ACACB: variants seen among roughly 807,000 people sequenced by gnomAD.
ACACB encodes acetyl-CoA carboxylase 2.
Under a neutral mutation model 278.8 loss-of-function variants are expected in ACACB, and 209 were observed. The ratio of observed to expected loss-of-function variants is 0.75; its 90% CI spans 0.67 to 0.84. ACACB has a LOEUF of 0.84. ACACB is among the 40% of genes least tolerant of loss of function. The pLI is 0.00. For missense variants in ACACB, 2,850 were observed against 3,269.0 expected, an observed-to-expected ratio of 0.87 and a Z score of 3.13; for synonymous variants, 1,174 against 1,285.6, an observed-to-expected ratio of 0.91 and a Z score of 1.86.
At chr12:109,147,000 A>G (rs2043259019) in intron 2 of ACACB, among the ~76,000 whole-genome samples, 2 of 151,886 alleles carry the variant, frequency 1.3e-5, no homozygotes, top group Non-Finnish European at 2.9e-5. Flanking sequence ...TTTTTCAACA[A>G]GGGGCTCTGT....
chr12:109,192,310 C>A (rs1354011341), intron 15 of ACACB, among the ~76,000 whole-genome samples: 1 of 152,162 alleles, frequency 6.6e-6, no homozygotes, highest in African/African-American at 2.4e-5. Flanking sequence ...CATTCCCAGA[C>A]CCTCACCAGA....
In ACACB at chr12:109,216,636, C is replaced by T. The variant is rs142640895; in HGVS notation, c.3369C>T (p.Arg1123=). 2.8e-5 allele frequency: 45 copies of T among 1,614,044 alleles called. No individual in the cohort carries two copies. Among genetic ancestry groups the T allele is most frequent in the Admixed American group, 8.3e-5 (5 of 59,986 alleles). Reference sequence around the variant, plus strand: ...TCCCCAGATACCGCAGCGGGATCCGCGGCTATATGAAAACAGTGGTGTTGG... The same window carrying T: ...TCCCCAGATACCGCAGCGGGATCCGTGGCTATATGAAAACAGTGGTGTTGG... The part of the protein sequence containing the change: ...QLVQRYRSGI[R]GYMKTVVLDL... Residue 1123 remains arginine, a synonymous_variant, in exon 23 of 53, where the codon CGC becomes CGT. Transcript: ENST00000338432.
intron 29 of ACACB, among the ~76,000 whole-genome samples, chr12:109,233,220 A>T (rs1457685225): frequency 6.6e-6 from 1 of 152,256 alleles, no homozygotes; most frequent in Non-Finnish European, 1.5e-5. Flanking sequence ...ACATATGTGA[A>T]ATAACATATT....
At chr12:109,207,494 T>C (rs1371736606) in intron 20 of ACACB, among the ~76,000 whole-genome samples, 1 of 152,188 alleles carries the variant, frequency 6.6e-6, no homozygotes, top group Non-Finnish European at 1.5e-5. Context: ...TTGCTGGGTC[T>C]CATCTGCTCA....
intron 1 of ACACB, among the ~76,000 whole-genome samples, chr12:109,133,351 C>T (rs371212668): frequency 1.4e-4 from 22 of 152,116 alleles, no homozygotes; most frequent in African/African-American, 4.1e-4. Flanking sequence ...CTGCCTCAGC[C>T]TCCTGAGTAC....
At chr12:109,212,731 G>T in intron 21 of ACACB, 105 bp from the exon 22 acceptor site, 1 of 884,120 alleles carries the variant, frequency 1.1e-6, no homozygotes, top group South Asian at 1.5e-5. Context: ...AACAGGCCAC[G>T]GACCAGTGCT....
rs888561348 is a variant in ACACB, at chr12:109,206,827, T to C, written c.3031T>C (p.Cys1011Arg). The C allele has an allele frequency of 6.2e-7, 1 of 1,614,204 alleles. No homozygotes were observed. The highest frequency in any genetic ancestry group is 8.5e-7 in the Non-Finnish European group (1 of 1,180,040). ...CCTCACCAACGTCATGAGTGGCTTT[T>C]GTCTGCCAGAGCCCGTTTTTAGCAT... ...ENLTNVMSGFCLPEPVFSIKL... is the reference protein window; with the variant it reads ...ENLTNVMSGFRLPEPVFSIKL... Residue 1011 changes from cysteine to arginine, a missense_variant, in exon 20 of 53, where the codon TGT becomes CGT. Coordinates refer to ENST00000338432, the MANE Select transcript of ACACB (RefSeq NM_001093.4).
chr12:109,204,563 C>T (rs1466916376), intron 19 of ACACB, among the ~76,000 whole-genome samples: 1 of 151,970 alleles, frequency 6.6e-6, no homozygotes, highest in Non-Finnish European at 1.5e-5. Flanking sequence ...GTGTGAGCCA[C>T]CATGTCCAGC....
At chr12:109,168,316 G>T (rs2043990048) in intron 4 of ACACB, among the ~76,000 whole-genome samples, 1 of 152,176 alleles carries the variant, frequency 6.6e-6, no homozygotes, top group African/African-American at 2.4e-5. Flanking sequence ...TCTCCTGCAG[G>T]TGTATGTAAT....
At chr12:109,216,039 T>A (rs1263087681) in intron 22 of ACACB, among the ~76,000 whole-genome samples, 1 of 152,044 alleles carries the variant, frequency 6.6e-6, no homozygotes, top group Non-Finnish European at 1.5e-5. Context: ...GCTCAAATGA[T>A]ACTCACGCCT....
intron 24 of ACACB, among the ~76,000 whole-genome samples, chr12:109,222,253 C>T (rs1242517596): frequency 6.7e-6 from 1 of 150,188 alleles, no homozygotes; most frequent in Non-Finnish European, 1.5e-5. Context: ...TTGTTCTTAC[C>T]AGGCATTTAG....
chr12:109,264,403 C>T lies in ACACB; in HGVS notation c.6942+17C>T. ...GTCATATCTGTGAGAGCCACAGCTG[C>T]CGTGTAGGGTGCAAAGAGCCCACCC... is the stretch of plus-strand genomic sequence containing the variant. On this transcript the variant is annotated intron_variant, in intron 50 of 52. Transcript: ENST00000338432. 3 of 1,613,868 alleles carry T rather than the reference C, an allele frequency of 1.9e-6. No homozygotes were observed. Among genetic ancestry groups the T allele is most frequent in the Non-Finnish European group, 2.5e-6 (3 of 1,179,896 alleles).
chr12:109,259,224 C>A, intron 47 of ACACB, 116 bp downstream of exon 47: 1 of 1,276,674 alleles, frequency 7.8e-7, no homozygotes, highest in Non-Finnish European at 1.1e-6. Flanking sequence ...TTAGCTGTGT[C>A]TCCCAACAAC....
At position 109,222,615 on chromosome 12, in the gene ACACB, C is replaced by T. The variant is rs759403747; in HGVS notation, c.3673C>T (p.Arg1225Trp). The change falls in exon 25 of 53, where the codon CGG (arginine) becomes TGG (tryptophan). Residue 1225 changes from arginine to tryptophan, a missense_variant. Arg to Trp is a moderately radical substitution (Grantham distance 101). Around this residue, in one of 3 missense-constraint regions of ACACB, gnomAD observed 2,265 missense variants for 2,561.3 expected, o/e 0.88. Coordinates refer to ENST00000338432, the MANE Select transcript of ACACB (RefSeq NM_001093.4). ...GCACTGCAAAGTGGCCCTCAGAGCC[C>T]GGCAGGTAGGGTCTCAGGGTGCGGT... is the stretch of plus-strand genomic sequence containing the variant. Reference protein sequence around the residue: ...SEHCKVALRARQILIASHLPS... With the variant: ...SEHCKVALRAWQILIASHLPS... 7 of 1,613,956 alleles carry T rather than the reference C, an allele frequency of 4.3e-6. No homozygotes were observed. Among genetic ancestry groups the T allele is most frequent in the South Asian group, 2.2e-5 (2 of 91,078 alleles).
At chr12:109,202,643 C>G (rs2045371822) in intron 19 of ACACB, among the ~76,000 whole-genome samples, 1 of 152,118 alleles carries the variant, frequency 6.6e-6, no homozygotes, top group African/African-American at 2.4e-5. Context: ...TATCAATTTA[C>G]TGTTATTAAT....
chr12:109,136,498 A>T (rs923566248), intron 1 of ACACB, among the ~76,000 whole-genome samples: 1 of 152,140 alleles, frequency 6.6e-6, no homozygotes, highest in Admixed American at 6.5e-5. Context: ...CTTTGGTTAA[A>T]TTTATTCCTA....
At position 109,209,183 on chromosome 12, in the gene ACACB, A is replaced by C; in HGVS notation, c.3079A>C (p.Lys1027Gln). Residue 1027 changes from lysine to glutamine, a missense_variant, in exon 21 of 53, where the codon AAG (lysine) becomes CAG (glutamine). Transcript: ENST00000338432. The stretch of plus-strand genomic sequence containing the variant: ...GCTTCAGCTGAAGGAGTGGGTGCAG[A>C]AGCTCATGATGACCCTCCGGCACCC... Reference protein sequence around the residue: ...FSIKLKEWVQKLMMTLRHPSL... With the variant: ...FSIKLKEWVQQLMMTLRHPSL... The C allele has an allele frequency of 6.2e-7, 1 of 1,604,338 alleles. No homozygotes were observed. The highest frequency in any genetic ancestry group is 8.5e-7 in the Non-Finnish European group (1 of 1,176,470).
rs754619886 is a variant in ACACB at position 109,264,326 on chromosome 12, G to A, written c.6882G>A (p.Ala2294=). 27 of 1,613,968 alleles carry A rather than the reference G, an allele frequency of 1.7e-5. No homozygotes were observed. The highest frequency in any genetic ancestry group is 8.9e-5 in the East Asian group (4 of 44,896). Residue 2294 remains alanine (A), a synonymous_variant, in exon 50 of 53, where the codon GCG becomes GCA. Transcript: ENST00000338432. ...TGCTCCCCATCTACCACCAGGTGGC[G>A]GTGCAGTTCGCCGACTTCCATGACA... The part of the protein sequence containing the change: ...DLLLPIYHQV[A]VQFADFHDTP...
chr12:109,115,151 C>T (rs2042378804), upstream of ACACB, among the ~76,000 whole-genome samples: 1 of 152,196 alleles, frequency 6.6e-6, no homozygotes, highest in African/African-American at 2.4e-5. Flanking sequence ...TTGTCATGAG[C>T]AAGCCCCTGT....
Sources: allele counts gnomAD v4.1 joint callset (sites outside exome capture counted in the v4.1 genomes callset), GRCh38; gene constraint gnomAD v4.1.1; regional missense constraint gnomAD v4.1.1; transcripts MANE v1.5; gene names NCBI Gene and HGNC (gene_info 2026-07-23, HGNC 2026-07-21).